GRM1: variants seen among roughly 807,000 people sequenced by gnomAD.
The protein encoded by GRM1 is glutamate metabotropic receptor 1, also known as metabotropic glutamate receptor 1.
In GRM1, 33 loss-of-function variants were observed where a neutral mutation model predicts 90.9. The observed-to-expected ratio is 0.36, with a 90% CI of 0.28 to 0.49. The LOEUF (loss-of-function observed/expected upper bound fraction) is 0.49, where lower values mean the gene tolerates loss of function less well. Among genes scored for constraint, GRM1 ranks in the 20% least tolerant of loss-of-function variants. The pLI is 0.99. For missense variants in GRM1, 1,190 were observed against 1,534.3 expected, an observed-to-expected ratio of 0.78 and a Z score of 3.75; for synonymous variants, 700 against 613.2, an observed-to-expected ratio of 1.14 and a Z score of -2.09.
chr6:146,213,750 A>T (rs985444056), intron 2 of GRM1, among the ~76,000 whole-genome samples: 1 of 150,792 alleles, frequency 6.6e-6, no homozygotes, highest in Non-Finnish European at 1.5e-5. Flanking sequence ...ATGAAAGGAG[A>T]TTTATTGGGG....
intron 1 of GRM1, among the ~76,000 whole-genome samples, chr6:146,072,062 C>T (rs1478795849): frequency 2.6e-5 from 4 of 152,138 alleles, no homozygotes; most frequent in Non-Finnish European, 5.9e-5. Flanking sequence ...TTAGGCCAAT[C>T]TGTCTCAACC....
chr6:146,043,808 T>TATAA (rs1305341164), intron 1 of GRM1, among the ~76,000 whole-genome samples: 1 of 142,182 alleles, frequency 7.0e-6, no homozygotes. Context: ...TATATATATA[T>TATAA]ATAAAGGGAA....
chr6:146,061,710 GA>G (rs1473590433), intron 1 of GRM1, among the ~76,000 whole-genome samples: 10 of 151,962 alleles, frequency 6.6e-5, no homozygotes, highest in Non-Finnish European at 1.3e-4. Flanking sequence ...ACAAACATGT[GA>G]AAAAAAGCTC....
intron 1 of GRM1, among the ~76,000 whole-genome samples, chr6:146,140,939 G>GT (rs1018491309): frequency 1.6e-4 from 25 of 152,040 alleles, no homozygotes; most frequent in African/African-American, 5.1e-4. Context: ...AATATTCTAT[G>GT]TTTTTCTGTG....
At chr6:146,077,695 C>A (rs888133542) in intron 1 of GRM1, among the ~76,000 whole-genome samples, 9 of 152,326 alleles carry the variant, frequency 5.9e-5, no homozygotes, top group African/African-American at 2.2e-4. Flanking sequence ...TATTACCAGG[C>A]AATTCAGAAT....
intron 1 of GRM1, among the ~76,000 whole-genome samples, chr6:146,141,262 T>G (rs1776869710): frequency 6.6e-6 from 1 of 151,934 alleles, no homozygotes; most frequent in Admixed American, 6.6e-5. Flanking sequence ...ATACTGGAAC[T>G]CCATTGTCTG....
intron 2 of GRM1, among the ~76,000 whole-genome samples, chr6:146,233,057 C>G (rs1199644398): frequency 1.3e-5 from 2 of 151,806 alleles, no homozygotes; most frequent in Non-Finnish European, 2.9e-5. Flanking sequence ...CTGTCTTTTC[C>G]AAGAAACAGC....
intron 2 of GRM1, among the ~76,000 whole-genome samples, chr6:146,285,623 T>A (rs1562582272): frequency 1.3e-5 from 2 of 152,186 alleles, no homozygotes; most frequent in South Asian, 4.1e-4. Context: ...GCTATTCTTA[T>A]CTCTTTGCAT....
chr6:146,358,732 T>G lies in GRM1; in HGVS notation c.1602+1038T>G, dbSNP rs113180949. On this transcript the variant is annotated intron_variant, in intron 5 of 7. Transcript: ENST00000282753. ...TTAGACAGAGGCTGGACATGCTTTATCTCAACTGACTAAAGAAAATGCAGG... is the reference window on the plus strand; with the variant it reads ...TTAGACAGAGGCTGGACATGCTTTAGCTCAACTGACTAAAGAAAATGCAGG... Among the ~76,000 whole-genome samples the G allele has an allele frequency of 3.3e-5, 5 of 152,300 alleles. 1 individual carries two copies. The highest frequency in any genetic ancestry group is 1.2e-4 in the African/African-American group (5 of 41,568).
intron 1 of GRM1, among the ~76,000 whole-genome samples, chr6:146,061,353 T>G (rs1229575116): frequency 1.3e-5 from 2 of 152,122 alleles, no homozygotes; most frequent in Non-Finnish European, 2.9e-5. Flanking sequence ...CCACATACCT[T>G]CAATTTGTAA....
chr6:146,096,175 A>G (rs955090779), intron 1 of GRM1, among the ~76,000 whole-genome samples: 15 of 152,074 alleles, frequency 9.9e-5, no homozygotes, highest in African/African-American at 3.6e-4. Flanking sequence ...AGATTTATGG[A>G]GATATATTTG....
chr6:146,322,767 C>A (rs533317323), intron 3 of GRM1, among the ~76,000 whole-genome samples: 133 of 151,948 alleles, frequency 8.8e-4, no homozygotes, highest in African/African-American at 3.1e-3. Flanking sequence ...ACCCACCCCA[C>A]AGCAGTCCCC....
intron 2 of GRM1, among the ~76,000 whole-genome samples, chr6:146,177,267 G>A (rs1178876098): frequency 6.6e-6 from 1 of 152,044 alleles, no homozygotes; most frequent in African/African-American, 2.4e-5. Context: ...TGTATTCCCA[G>A]AGTGACTTCC....
chr6:146,346,908 G>T (rs947761875), intron 3 of GRM1, among the ~76,000 whole-genome samples: 1 of 152,130 alleles, frequency 6.6e-6, no homozygotes, highest in Non-Finnish European at 1.5e-5. Context: ...ATTTTCTCCA[G>T]GGGGAGTCAC....
chr6:146,250,132 G>A (rs752321548), intron 2 of GRM1, among the ~76,000 whole-genome samples: 5 of 152,188 alleles, frequency 3.3e-5, no homozygotes, highest in Admixed American at 6.5e-5. Flanking sequence ...ATAGGTGGAA[G>A]GGGCCTTGTC....
chr6:146,328,544 C>T (rs1784476142), intron 3 of GRM1, among the ~76,000 whole-genome samples: 1 of 152,174 alleles, frequency 6.6e-6, no homozygotes, highest in East Asian at 1.9e-4. Context: ...CTCCTAAAAA[C>T]ATTAAATAGT....
chr6:146,139,394 A>G (rs554627600), intron 1 of GRM1, among the ~76,000 whole-genome samples: 2 of 152,186 alleles, frequency 1.3e-5, no homozygotes, highest in Non-Finnish European at 2.9e-5. Context: ...TGATCTGTCC[A>G]ATGCTGAAAG....
intron 1 of GRM1, among the ~76,000 whole-genome samples, chr6:146,103,038 T>C (rs973750335): frequency 1.3e-5 from 2 of 152,172 alleles, no homozygotes; most frequent in Admixed American, 1.3e-4. Flanking sequence ...TCTGTGCAGT[T>C]TCTGTGATGG....
At chr6:146,332,807 T>C (rs536278212) in intron 3 of GRM1, among the ~76,000 whole-genome samples, 1 of 152,222 alleles carries the variant, frequency 6.6e-6, no homozygotes, top group Admixed American at 6.5e-5. Flanking sequence ...TCAAAATCAC[T>C]TTTTAAATTT....
Sources: gnomAD v4.1 joint callset for allele counts (sites outside exome capture counted in the v4.1 genomes callset) on GRCh38, gnomAD v4.1.1 for gene constraint, MANE v1.5 for transcripts, NCBI Gene and HGNC (gene_info 2026-07-23, HGNC 2026-07-21) for gene names.